Variants in PCDH15 observed in about 807,000 individuals in gnomAD.
PCDH15 encodes the protein protocadherin related 15, also known as protocadherin-15.
A neutral mutation model predicts 178.5 loss-of-function variants in PCDH15; 129 were observed. That is an observed-to-expected ratio of 0.72 (90% CI 0.63 to 0.84). The LOEUF is 0.84. PCDH15 is among the 40% of genes least tolerant of loss of function. The probability of loss-of-function intolerance (pLI) is 0.00; values close to 1 mark genes in which losing one functional copy is unlikely to be tolerated. For synonymous variants in PCDH15, 800 were observed against 732.0 expected (o/e 1.09, Z -1.50); for missense variants, 2,230 against 2,099.9 (o/e 1.06, Z -1.21).
chr10:55,094,236 T>A (rs1287462441), intron 2 of PCDH15, among the ~76,000 whole-genome samples: 1 of 152,050 alleles, frequency 6.6e-6, no homozygotes, highest in Non-Finnish European at 1.5e-5. Flanking sequence ...TTCATGTCCC[T>A]TGTAGGGACA....
At chr10:53,970,310 C>G (rs2089538096) in intron 21 of PCDH15, among the ~76,000 whole-genome samples, 1 of 152,144 alleles carries the variant, frequency 6.6e-6, no homozygotes, top group Non-Finnish European at 1.5e-5. Flanking sequence ...GAAGAGCTAA[C>G]TATCCTAAAT....
intron 2 of PCDH15, among the ~76,000 whole-genome samples, chr10:55,534,252 G>C (rs1040583459): frequency 6.6e-6 from 1 of 151,294 alleles, no homozygotes; most frequent in African/African-American, 2.4e-5. Flanking sequence ...TGTTTTCTCC[G>C]AGCAAAAGAA....
intron 1 of PCDH15, among the ~76,000 whole-genome samples, chr10:55,313,302 C>T (rs1175958663): frequency 3.9e-5 from 6 of 152,120 alleles, no homozygotes; most frequent in African/African-American, 1.4e-4. Flanking sequence ...CAGTGGTTCC[C>T]TTCTTTTCTG....
intron 1 of PCDH15, among the ~76,000 whole-genome samples, chr10:55,224,655 A>AAGT (rs1487534091): frequency 6.6e-6 from 1 of 152,088 alleles, no homozygotes; most frequent in East Asian, 1.9e-4. Flanking sequence ...ACCTTCCATG[A>AAGT]AGTAGGGGCT....
At chr10:55,087,805 A>G (rs1050313830) in intron 2 of PCDH15, among the ~76,000 whole-genome samples, 3 of 152,150 alleles carry the variant, frequency 2.0e-5, no homozygotes, top group East Asian at 1.9e-4. Context: ...GTCCAGAAAC[A>G]CTTTATAGTT....
At chr10:54,334,649 GA>G (rs1940654654) in intron 6 of PCDH15, among the ~76,000 whole-genome samples, 1 of 150,722 alleles carries the variant, frequency 6.6e-6, no homozygotes, top group Admixed American at 6.7e-5. Context: ...GTGATGACTA[GA>G]AATTCAGTTC....
intron 13 of PCDH15, among the ~76,000 whole-genome samples, chr10:54,174,073 A>G (rs1449691940): frequency 1.3e-5 from 2 of 152,226 alleles, no homozygotes; most frequent in Admixed American, 6.5e-5. Context: ...TCATTTTTAT[A>G]GCAGTAGAAA....
chr10:55,400,151 G>A (rs1838028376), intron 2 of PCDH15, among the ~76,000 whole-genome samples: 1 of 152,074 alleles, frequency 6.6e-6, no homozygotes, highest in Non-Finnish European at 1.5e-5. Flanking sequence ...CCCAAACCTG[G>A]TCATCTTGGG....
intron 3 of PCDH15, among the ~76,000 whole-genome samples, chr10:54,524,419 G>C (rs1036516494): frequency 6.6e-6 from 1 of 152,070 alleles, no homozygotes; most frequent in Non-Finnish European, 1.5e-5. Context: ...TGTACACTTC[G>C]GCAGATTCTG....
At chr10:55,218,039 T>C (rs1840757867) in intron 1 of PCDH15, among the ~76,000 whole-genome samples, 1 of 152,014 alleles carries the variant, frequency 6.6e-6, no homozygotes. Flanking sequence ...AGAGTTCTCC[T>C]GACACTTTCT....
In PCDH15 at chr10:53,866,446, A is replaced by AATATAT. The variant is rs55793083; in HGVS notation, c.3717+190_3717+195dup. Among the ~76,000 whole-genome samples, 3,840 of 145,758 alleles carry AATATAT rather than the reference A, an allele frequency of 0.026. 67 individuals are homozygous for AATATAT. Among genetic ancestry groups the AATATAT allele is most frequent in the African/African-American group, 0.042 (1,689 of 40,150 alleles). ...ATAAACACCTTACGGTGTTTTTGTA[A>AATATAT]ATATATATATATATATATATATGAA... On this transcript the variant is annotated intron_variant, in intron 27 of 37. Transcript: ENST00000644397.
At chr10:54,281,711 G>C (rs757333287) in intron 8 of PCDH15, among the ~76,000 whole-genome samples, 1 of 151,896 alleles carries the variant, frequency 6.6e-6, no homozygotes, top group Non-Finnish European at 1.5e-5. Flanking sequence ...GGTGACAAGA[G>C]AGCTCTATAC....
At chr10:54,519,218 G>A (rs996747520) in intron 3 of PCDH15, among the ~76,000 whole-genome samples, 1 of 152,110 alleles carries the variant, frequency 6.6e-6, no homozygotes, top group Non-Finnish European at 1.5e-5. Context: ...CCAGGGCAAT[G>A]AGGCAGGAGA....
chr10:54,800,571 T>C (rs554343003), intron 1 of PCDH15, among the ~76,000 whole-genome samples: 258 of 152,308 alleles, frequency 1.7e-3, no homozygotes, highest in Non-Finnish European at 2.7e-3. Flanking sequence ...GCCATTTTTC[T>C]GTATTTTTTC....
intron 11 of PCDH15, 152 bp from the exon 12 acceptor site, chr10:54,185,420 C>T (rs2048400610): frequency 4.6e-6 from 4 of 874,574 alleles, no homozygotes; most frequent in Admixed American, 4.5e-5. Context: ...TAGATATTTA[C>T]TCAAATGATC....
At chr10:54,113,440 A>G (rs532414429) in intron 15 of PCDH15, among the ~76,000 whole-genome samples, 7 of 152,266 alleles carry the variant, frequency 4.6e-5, no homozygotes, top group East Asian at 1.9e-4. Flanking sequence ...CAGTCTCTCC[A>G]TCTTAGAACA....
At chr10:54,664,051 C>G (rs1290688604) in intron 2 of PCDH15, 121 bp downstream of exon 2, 1 of 787,304 alleles carries the variant, frequency 1.3e-6, no homozygotes, top group African/African-American at 1.7e-5. Context: ...AATTATTACA[C>G]AGAGATACTA....
intron 26 of PCDH15, among the ~76,000 whole-genome samples, chr10:53,902,685 A>T (rs2133656645): frequency 6.6e-6 from 1 of 152,262 alleles, no homozygotes; most frequent in African/African-American, 2.4e-5. Context: ...AAAGAAAAAA[A>T]TTGAAAACTT....
At position 54,515,832 on chromosome 10, in the gene PCDH15, T is replaced by A. The variant is rs2082156251; in HGVS notation, c.157+11980A>T. Among the ~76,000 whole-genome samples the A allele has an allele frequency of 2.0e-5, 3 of 152,194 alleles. No individual in the cohort carries two copies. The South Asian group carries it at 6.2e-4, about 31-fold the overall frequency. On this transcript the variant is annotated intron_variant, in intron 3 of 37. Transcript: ENST00000644397. ...GCATTTGCAGTTCATGAAAATCTGC[T>A]GTTCTACAGCCACCGCTGTTCTGCA...
Sources: allele counts gnomAD v4.1 joint callset (sites outside exome capture counted in the v4.1 genomes callset), GRCh38; gene constraint gnomAD v4.1.1; transcripts MANE v1.5; gene names NCBI Gene and HGNC (gene_info 2026-07-23, HGNC 2026-07-21).